The following MAPK4 variants were observed in gnomAD, a reference collection of about 807,000 sequenced individuals.
MAPK4 encodes the protein mitogen-activated protein kinase 4.
A neutral mutation model predicts 47.7 loss-of-function variants in MAPK4; 22 were observed. The observed-to-expected ratio is 0.46, with a 90% CI of 0.33 to 0.66. The LOEUF is 0.66. MAPK4 is among the 30% of genes least tolerant of loss of function. MAPK4 has a pLI of 0.02. For synonymous variants in MAPK4, 390 were observed against 365.7 expected, an observed-to-expected ratio of 1.07 and a Z score of -0.76; for missense variants, 736 against 831.7, an observed-to-expected ratio of 0.88 and a Z score of 1.42.
chr18:50,584,368 G>A (rs1416268132), intron 1 of MAPK4, among the ~76,000 whole-genome samples: 1 of 152,140 alleles, frequency 6.6e-6, no homozygotes, highest in African/African-American at 2.4e-5. Flanking sequence ...GGCAGTGACC[G>A]AACATGAGGC....
intron 2 of MAPK4, among the ~76,000 whole-genome samples, chr18:50,712,545 T>TA (rs5824847): frequency 0.93 from 133,165 of 143,584 alleles, 62,259 homozygotes; most frequent in East Asian, 1. Context: ...TGTTTTTCAT[T>TA]AAAAAAAAAA....
In MAPK4 at chr18:50,729,830, G is replaced by T; in HGVS notation, c.1740G>T (p.Glu580Asp). ...PEHPGDLVQT[E>D]AFSKERW ...ACCCTGGCGACCTCGTGCAGACCGA[G>T]GCCTTCTCCAAAGAAAGGTGGTGAG... The change falls in exon 6 of 6, where the codon GAG becomes GAT. Residue 580 changes from glutamate (E) to aspartate (D), a missense_variant. Physicochemically the swap from Glu to Asp is conservative, Grantham distance 45 (BLOSUM62 2). Around this residue, in one of 3 missense-constraint regions of MAPK4, gnomAD observed 377 missense variants for 378.6 expected, o/e 1.00. Transcript: ENST00000400384. The T allele has an allele frequency of 6.2e-7, 1 of 1,611,712 alleles. No homozygotes were observed. Among genetic ancestry groups the T allele is most frequent in the Non-Finnish European group, 8.5e-7 (1 of 1,179,316 alleles).
chr18:50,687,129 A>G (rs1866112), intron 2 of MAPK4, among the ~76,000 whole-genome samples: 12,741 of 152,196 alleles, frequency 0.084, 1,330 homozygotes, highest in African/African-American at 0.25. Context: ...TTGCCATACC[A>G]ATTTTAGAAA....
chr18:50,692,647 A>G (rs935869504), intron 2 of MAPK4, among the ~76,000 whole-genome samples: 1 of 152,186 alleles, frequency 6.6e-6, no homozygotes, highest in African/African-American at 2.4e-5. Flanking sequence ...CTCAATAAAT[A>G]TGAGCTGTTT....
At chr18:50,635,506 A>G (rs1222020846) in intron 1 of MAPK4, among the ~76,000 whole-genome samples, 1 of 152,212 alleles carries the variant, frequency 6.6e-6, no homozygotes, top group African/African-American at 2.4e-5. Context: ...AAGCTGGGCT[A>G]TCTCTGTAGC....
intron 1 of MAPK4, among the ~76,000 whole-genome samples, chr18:50,611,405 A>C (rs1204180734): frequency 6.6e-6 from 1 of 152,236 alleles, no homozygotes; most frequent in African/African-American, 2.4e-5. Context: ...ATTAAGGTGG[A>C]GATATCAAGA....
At chr18:50,618,722 C>A (rs1275989564) in intron 1 of MAPK4, among the ~76,000 whole-genome samples, 1 of 152,082 alleles carries the variant, frequency 6.6e-6, no homozygotes, top group East Asian at 1.9e-4. Context: ...AGACCACATG[C>A]AATTAGACAC....
intron 1 of MAPK4, among the ~76,000 whole-genome samples, chr18:50,579,728 G>A (rs2042327565): frequency 6.6e-6 from 1 of 152,194 alleles, no homozygotes; most frequent in African/African-American, 2.4e-5. Flanking sequence ...GATGGTGCCA[G>A]TGCTGGGCAT....
rs1907402799 is a variant in MAPK4, at chr18:50,663,598, GA to G, written c.-357del. 5.8e-6 allele frequency: 1 copy of G among 173,704 alleles called. No homozygotes were observed. The highest frequency in any genetic ancestry group is 5.9e-5 in the Admixed American group (1 of 16,912). 10.8% of individuals were successfully genotyped at this position (173,704 alleles called of 1,614,324 possible). A position where few individuals can be genotyped will look rare whatever the true frequency, so the allele number is the denominator to read the frequency against. On this transcript the variant is annotated 5_prime_UTR_variant, in exon 2 of 6. The change abolishes the stop of an existing upstream ORF in the 5' untranslated region. Transcript: ENST00000400384. ...TTTTACTTTGCAGTCCACTATGGTA[GA>G]AAACTTGACATTCCATAGATAATGA...
intron 1 of MAPK4, among the ~76,000 whole-genome samples, chr18:50,619,820 G>A (rs890949951): frequency 6.6e-6 from 1 of 152,206 alleles, no homozygotes; most frequent in African/African-American, 2.4e-5. Flanking sequence ...AAGCCAAATT[G>A]ACTGATGTTT....
Position 50,729,182 on chromosome 18 carries a change from C to A in MAPK4, c.1092C>A (p.Asp364Glu). ...SSRYPVSLSSDLEWRPDRCQD... is the reference protein window; with the variant it reads ...SSRYPVSLSSELEWRPDRCQD... ...GGTACCCTGTGAGCCTGTCGTCGGA[C>A]CTGGAGTGGCGGCCTGACCGGTGCC... Residue 364 changes from aspartate to glutamate, a missense_variant, in exon 6 of 6, where the codon GAC (aspartate) becomes GAA (glutamate). Transcript: ENST00000400384. 1 of 1,588,528 alleles carries A rather than the reference C, an allele frequency of 6.3e-7. No individual in the cohort carries two copies.
intron 2 of MAPK4, among the ~76,000 whole-genome samples, chr18:50,694,042 C>T (rs1450203725): frequency 2.0e-5 from 3 of 152,176 alleles, no homozygotes; most frequent in East Asian, 1.9e-4. Flanking sequence ...GAGAAGCATT[C>T]GGTATTTATC....
At position 50,688,889 on chromosome 18, in the gene MAPK4, TAAAAAA is replaced by T. The variant is rs35330620; in HGVS notation, c.546+24401_546+24406del. On this transcript the variant is annotated intron_variant, in intron 2 of 5. Transcript: ENST00000400384. ...CTGTTCTCCCAAAAACCTATGGAAA[TAAAAAA>T]AAAAAAAAAAAAAAAGAAAGACAGT... Among the ~76,000 whole-genome samples the T allele has an allele frequency of 5.3e-4, 61 of 115,894 alleles. 1 individual carries two copies. The East Asian group carries it at 7.5e-3, about 14-fold the overall frequency. 76.0% of individuals were successfully genotyped at this position (115,894 alleles called of 152,430 possible). A position where few individuals can be genotyped will look rare whatever the true frequency, so the allele number is the denominator to read the frequency against.
At chr18:50,679,075 A>G (rs1297408326) in intron 2 of MAPK4, among the ~76,000 whole-genome samples, 1 of 152,126 alleles carries the variant, frequency 6.6e-6, no homozygotes, top group Non-Finnish European at 1.5e-5. Flanking sequence ...GTCAATCCCT[A>G]TGCCTTTTAT....
At chr18:50,572,280 A>G (rs1331710203) in intron 1 of MAPK4, among the ~76,000 whole-genome samples, 1 of 152,134 alleles carries the variant, frequency 6.6e-6, no homozygotes, top group East Asian at 1.9e-4. Context: ...TATGAATGAG[A>G]ATATATCTAG....
intron 1 of MAPK4, among the ~76,000 whole-genome samples, chr18:50,656,969 A>G (rs1333599911): frequency 6.6e-6 from 1 of 152,226 alleles, no homozygotes; most frequent in African/African-American, 2.4e-5. Context: ...TCTCTTGGCA[A>G]GAAAGCTGGA....
At chr18:50,601,231 A>C (rs2042536971) in intron 1 of MAPK4, among the ~76,000 whole-genome samples, 1 of 151,428 alleles carries the variant, frequency 6.6e-6, no homozygotes, top group Non-Finnish European at 1.5e-5. Flanking sequence ...TTACATGGAA[A>C]GCTGAGGTGG....
intron 1 of MAPK4, among the ~76,000 whole-genome samples, chr18:50,603,856 C>T (rs2042561545): frequency 1.3e-5 from 2 of 152,146 alleles, no homozygotes. Flanking sequence ...ATAGATGTCA[C>T]AAAGAGATAG....
intron 1 of MAPK4, among the ~76,000 whole-genome samples, chr18:50,564,922 A>C (rs1376010458): frequency 6.6e-6 from 1 of 152,214 alleles, no homozygotes; most frequent in Non-Finnish European, 1.5e-5. Context: ...AGGAAACGAC[A>C]AAACGATAAG....
Sources: gnomAD v4.1 joint callset for allele counts (sites outside exome capture counted in the v4.1 genomes callset) on GRCh38, gnomAD v4.1.1 for gene constraint, gnomAD v4.1.1 regional missense constraint, MANE v1.5 for transcripts, NCBI Gene and HGNC (gene_info 2026-07-23, HGNC 2026-07-21) for gene names.